The following MTUS2 variants were observed in gnomAD, a reference collection of about 807,000 sequenced individuals.
The protein encoded by MTUS2 is microtubule-associated tumor suppressor candidate 2.
In MTUS2, 40 loss-of-function variants were observed where a neutral mutation model predicts 114.1. That is an observed-to-expected ratio of 0.35 (90% CI 0.27 to 0.46). The LOEUF (loss-of-function observed/expected upper bound fraction) is 0.46. MTUS2 is among the 20% of genes least tolerant of loss of function. MTUS2 has a pLI of 1.00. For missense variants in MTUS2, 1,679 were observed against 1,705.4 expected (o/e 0.98, Z 0.27); for synonymous variants, 688 against 672.0 (o/e 1.02, Z -0.37).
intron 9 of MTUS2, among the ~76,000 whole-genome samples, chr13:29,441,041 G>T (rs1877805998): frequency 6.6e-6 from 1 of 152,148 alleles, no homozygotes; most frequent in African/African-American, 2.4e-5. Flanking sequence ...TAACATTAAA[G>T]TAGGTCTGCA....
intron 2 of MTUS2, among the ~76,000 whole-genome samples, chr13:28,851,185 G>A (rs543214839): frequency 5.6e-4 from 86 of 152,338 alleles, no homozygotes; most frequent in Non-Finnish European, 9.3e-4. Flanking sequence ...GGTATAGGAA[G>A]TAGAGATAAG....
At position 29,025,173 on chromosome 13, in the gene MTUS2, C is replaced by T; in HGVS notation, c.475C>T (p.Pro159Ser). The T allele has an allele frequency of 6.2e-7, 1 of 1,613,882 alleles. No homozygotes were observed. Among genetic ancestry groups the T allele is most frequent in the Non-Finnish European group, 8.5e-7 (1 of 1,179,870 alleles). Residue 159 changes from proline (P) to serine (S), a missense_variant, in exon 3 of 16, where the codon CCC becomes TCC. Transcript: ENST00000612955. ...KRDAEIPRHVPKDKLAKTLDN... is the reference protein window; with the variant it reads ...KRDAEIPRHVSKDKLAKTLDN... ...GGATGCTGAAATTCCCCGGCATGTT[C>T]CCAAGGATAAACTGGCAAAGACCCT...
chr13:28,822,350 G>A lies in MTUS2; in HGVS notation c.-316+1739G>A, dbSNP rs77978711. On this transcript the variant is annotated intron_variant, in intron 1 of 15. Transcript: ENST00000612955. Reference sequence around the variant, plus strand: ...CTAGACTGTTAAAGCCAAAATCCAGGAGGATGCCGAAACCCACTCCGGCAT... The same window carrying A: ...CTAGACTGTTAAAGCCAAAATCCAGAAGGATGCCGAAACCCACTCCGGCAT... Among the ~76,000 whole-genome samples the A allele has an allele frequency of 3.3e-3, 508 of 152,294 alleles. 2 individuals carry two copies. The highest frequency in any genetic ancestry group is 0.012 in the African/African-American group (501 of 41,572).
intron 2 of MTUS2, among the ~76,000 whole-genome samples, chr13:28,897,435 A>T (rs1879346308): frequency 1.3e-5 from 2 of 152,142 alleles, no homozygotes; most frequent in South Asian, 4.1e-4. Flanking sequence ...ATAGGAACAC[A>T]TTTACACTGT....
At chr13:29,389,615 G>C (rs1267086844) in intron 8 of MTUS2, among the ~76,000 whole-genome samples, 1 of 43,604 alleles carries the variant, frequency 2.3e-5, no homozygotes. Flanking sequence ...GTATACATAT[G>C]TGTGTATATA....
chr13:28,972,640 C>A (rs540150529), intron 2 of MTUS2, among the ~76,000 whole-genome samples: 1 of 152,148 alleles, frequency 6.6e-6, no homozygotes, highest in East Asian at 1.9e-4. Flanking sequence ...GTCGCAGCCC[C>A]GAGTTCTGAG....
intron 5 of MTUS2, among the ~76,000 whole-genome samples, chr13:29,247,503 T>C (rs1179956390): frequency 6.6e-6 from 1 of 152,064 alleles, no homozygotes; most frequent in African/African-American, 2.4e-5. Flanking sequence ...TTGCAAACTA[T>C]GCATCTGATA....
intron 2 of MTUS2, among the ~76,000 whole-genome samples, chr13:28,932,434 TG>T (rs1881668743): frequency 2.0e-5 from 3 of 152,182 alleles, no homozygotes; most frequent in Admixed American, 2.0e-4. Flanking sequence ...TTGGTATCTG[TG>T]GGGGTCCTGG....
intron 7 of MTUS2, among the ~76,000 whole-genome samples, chr13:29,338,367 G>T (rs2138099933): frequency 6.6e-6 from 1 of 152,136 alleles, no homozygotes; most frequent in Non-Finnish European, 1.5e-5. Flanking sequence ...CAGATGGATT[G>T]CCTGAGCTCA....
chr13:28,950,656 C>G (rs890787113), intron 2 of MTUS2, among the ~76,000 whole-genome samples: 14 of 152,158 alleles, frequency 9.2e-5, no homozygotes, highest in African/African-American at 3.4e-4. Context: ...GTCAGTGGAG[C>G]AGTCAGAACA....
At position 28,982,819 on chromosome 13, in the gene MTUS2, C is replaced by G. The variant is rs113784897; in HGVS notation, c.-242-41638C>G. Among the ~76,000 whole-genome samples, 909 of 152,192 alleles carry G rather than the reference C, an allele frequency of 6.0e-3. 7 individuals carry two copies. Among genetic ancestry groups the G allele is most frequent in the African/African-American group, 0.021 (860 of 41,516 alleles). On this transcript the variant is annotated intron_variant, in intron 2 of 15. Coordinates refer to ENST00000612955, the MANE Select transcript of MTUS2 (RefSeq NM_001033602.4). ...TATGTGATTCCATTCAGATGAGGCACCTAGGGTGGTGAAATTCATAGACGA... is the reference window on the plus strand; with the variant it reads ...TATGTGATTCCATTCAGATGAGGCAGCTAGGGTGGTGAAATTCATAGACGA...
chr13:29,125,975 T>C (rs969747490), intron 5 of MTUS2, among the ~76,000 whole-genome samples: 1 of 152,190 alleles, frequency 6.6e-6, no homozygotes, highest in African/African-American at 2.4e-5. Flanking sequence ...ATAGCCATAA[T>C]TGGGGATTCT....
At chr13:29,206,549 T>C (rs1163032673) in intron 5 of MTUS2, among the ~76,000 whole-genome samples, 1 of 152,218 alleles carries the variant, frequency 6.6e-6, no homozygotes, top group East Asian at 1.9e-4. Context: ...AGATCTTAGA[T>C]TTAAGTCTTT....
chr13:29,304,694 C>CTT (rs1009115528), intron 6 of MTUS2, among the ~76,000 whole-genome samples: 7 of 152,256 alleles, frequency 4.6e-5, no homozygotes, highest in African/African-American at 1.7e-4. Flanking sequence ...TAGTGGTAGA[C>CTT]TTTAACACCC....
chr13:29,476,446 A>G (rs1461794782), intron 9 of MTUS2: 1 of 152,262 alleles, frequency 6.6e-6, no homozygotes, highest in Non-Finnish European at 1.5e-5. Flanking sequence ...TTCCTTCTAT[A>G]AAAACATCTA....
At chr13:29,251,780 G>A (rs187206408) in intron 5 of MTUS2, among the ~76,000 whole-genome samples, 124 of 152,238 alleles carry the variant, frequency 8.1e-4, no homozygotes, top group African/African-American at 2.9e-3. Flanking sequence ...TCCTTTTTGA[G>A]GCTGAATAAT....
intron 2 of MTUS2, among the ~76,000 whole-genome samples, chr13:28,955,684 C>T (rs1469642512): frequency 6.6e-6 from 1 of 152,124 alleles, no homozygotes; most frequent in Non-Finnish European, 1.5e-5. Context: ...TCCCTCATTC[C>T]TTTCTGCTGT....
chr13:29,290,054 A>G (rs1027734909), intron 6 of MTUS2, among the ~76,000 whole-genome samples: 3 of 152,226 alleles, frequency 2.0e-5, no homozygotes, highest in Non-Finnish European at 2.9e-5. Flanking sequence ...TGAAGAACTT[A>G]CCTGTCGTTC....
At chr13:29,106,443 T>G (rs1020380103) in intron 5 of MTUS2, among the ~76,000 whole-genome samples, 1 of 152,170 alleles carries the variant, frequency 6.6e-6, no homozygotes, top group Admixed American at 6.5e-5. Flanking sequence ...CACTGCAGCC[T>G]CTGTCTCTTG....
Sources: gnomAD v4.1 joint callset for allele counts (sites outside exome capture counted in the v4.1 genomes callset) on GRCh38, gnomAD v4.1.1 for gene constraint, MANE v1.5 for transcripts, NCBI Gene and HGNC (gene_info 2026-07-23, HGNC 2026-07-21) for gene names.